GRID2: variants seen among roughly 807,000 people sequenced by gnomAD.
GRID2 encodes glutamate receptor ionotropic, delta-2.
A neutral mutation model predicts 114.8 loss-of-function variants in GRID2; 33 were observed. The observed-to-expected ratio is 0.29, with a 90% CI of 0.22 to 0.38. The LOEUF is 0.38. Ranked by LOEUF, GRID2 falls within the 10% of genes least tolerant of loss-of-function variation. The probability of loss-of-function intolerance (pLI) is 1.00; values close to 1 mark genes in which losing one functional copy is unlikely to be tolerated. For synonymous variants in GRID2, 505 were observed against 449.9 expected (o/e 1.12, Z -1.55); for missense variants, 1,184 against 1,257.7 (o/e 0.94, Z 0.89).
At chr4:92,446,939 A>C in intron 1 of GRID2, among the ~76,000 whole-genome samples, 1 of 152,204 alleles carries the variant, frequency 6.6e-6, no homozygotes, top group East Asian at 1.9e-4. Context: ...TGTCCAACAG[A>C]TCTGCTATAA....
At chr4:93,017,326 G>T (rs1035788063) in intron 2 of GRID2, among the ~76,000 whole-genome samples, 1 of 152,134 alleles carries the variant, frequency 6.6e-6, no homozygotes, top group Non-Finnish European at 1.5e-5. Context: ...TTTGTTGTAT[G>T]TAGTTGACAG....
chr4:93,249,044 T>A (rs6839389), intron 8 of GRID2, among the ~76,000 whole-genome samples: 108,340 of 152,028 alleles, frequency 0.71, 39,549 homozygotes, highest in African/African-American at 0.86. Flanking sequence ...GCTGGGATGC[T>A]TACTCTTTCC....
At chr4:92,968,993 G>A (rs1012887768) in intron 2 of GRID2, among the ~76,000 whole-genome samples, 2 of 151,686 alleles carry the variant, frequency 1.3e-5, no homozygotes, top group Admixed American at 1.3e-4. Flanking sequence ...AAATAAGGCT[G>A]TATTTGATAT....
chr4:92,823,167 G>GT (rs1741413389), intron 2 of GRID2: 1 of 152,162 alleles, frequency 6.6e-6, no homozygotes, highest in Admixed American at 6.6e-5. Flanking sequence ...TGGTTGAATT[G>GT]TTTGCCCTTT....
intron 2 of GRID2, among the ~76,000 whole-genome samples, chr4:92,640,312 A>G (rs1204101879): frequency 4.0e-5 from 6 of 151,814 alleles, no homozygotes; most frequent in Non-Finnish European, 8.8e-5. Context: ...GTTTTAAAGA[A>G]CCTTAGACAT....
intron 2 of GRID2, among the ~76,000 whole-genome samples, chr4:93,075,883 CT>C (rs10706922): frequency 2.7e-3 from 209 of 76,558 alleles, no homozygotes; most frequent in East Asian, 4.6e-3. Flanking sequence ...AGTTACCTCT[CT>C]TTTTTTTTTT....
intron 4 of GRID2, among the ~76,000 whole-genome samples, chr4:93,161,655 A>G (rs1160850375): frequency 3.3e-5 from 5 of 151,802 alleles, no homozygotes; most frequent in Admixed American, 6.6e-5. Flanking sequence ...TAAGATTTTC[A>G]GGGTAAAAAA....
chr4:92,667,838 T>A (rs578048249), intron 2 of GRID2, among the ~76,000 whole-genome samples: 1 of 151,872 alleles, frequency 6.6e-6, no homozygotes, highest in South Asian at 2.1e-4. Flanking sequence ...AATAAGTTGT[T>A]TGCGTTTCTA....
At chr4:93,047,198 A>G (rs1464336944) in intron 2 of GRID2, among the ~76,000 whole-genome samples, 2 of 152,114 alleles carry the variant, frequency 1.3e-5, no homozygotes, top group East Asian at 3.9e-4. Flanking sequence ...TGTGTGGGAA[A>G]CTGCCACATC....
At chr4:93,277,210 TTAAG>T (rs1396125098) in intron 8 of GRID2, among the ~76,000 whole-genome samples, 1 of 151,960 alleles carries the variant, frequency 6.6e-6, no homozygotes, top group South Asian at 2.1e-4. Flanking sequence ...AGAATTTTAA[TTAAG>T]TAAGTAATCT....
chr4:93,566,532 G>A (rs965717560), intron 13 of GRID2, among the ~76,000 whole-genome samples: 2 of 152,150 alleles, frequency 1.3e-5, no homozygotes, highest in African/African-American at 2.4e-5. Context: ...CACTTTGCAA[G>A]GCTGAGGCGG....
At chr4:92,887,130 A>C (rs761271410) in intron 2 of GRID2, among the ~76,000 whole-genome samples, 2 of 152,116 alleles carry the variant, frequency 1.3e-5, no homozygotes, top group Non-Finnish European at 2.9e-5. Flanking sequence ...TCATATTGTT[A>C]TCATTATTGC....
chr4:92,456,783 C>G (rs751818910), intron 1 of GRID2, among the ~76,000 whole-genome samples: 1 of 152,090 alleles, frequency 6.6e-6, no homozygotes, highest in Non-Finnish European at 1.5e-5. Flanking sequence ...CTCCTTACTT[C>G]TTCCTGGCAT....
At chr4:93,009,857 G>C (rs1023477086) in intron 2 of GRID2, among the ~76,000 whole-genome samples, 29 of 151,960 alleles carry the variant, frequency 1.9e-4, no homozygotes, top group African/African-American at 7.0e-4. Context: ...ATTCAAGGTG[G>C]TGCCCTGATT....
intron 2 of GRID2, among the ~76,000 whole-genome samples, chr4:92,923,432 CAATT>C (rs1169708043): frequency 2.6e-5 from 4 of 151,920 alleles, no homozygotes; most frequent in Non-Finnish European, 5.9e-5. Context: ...AGATGCAAAA[CAATT>C]AACATCAGAT....
At chr4:93,394,178 G>A (rs1765111797) in intron 8 of GRID2, among the ~76,000 whole-genome samples, 1 of 151,960 alleles carries the variant, frequency 6.6e-6, no homozygotes. Flanking sequence ...TTTAAATATG[G>A]CAAGAGGACC....
At chr4:93,216,281 T>G (rs1744202658) in intron 5 of GRID2, among the ~76,000 whole-genome samples, 1 of 152,074 alleles carries the variant, frequency 6.6e-6, no homozygotes, top group South Asian at 2.1e-4. Flanking sequence ...CATGTGTGTG[T>G]GTGTATGTGT....
chr4:92,425,052 T>C (rs2110330999), intron 1 of GRID2, among the ~76,000 whole-genome samples: 1 of 152,122 alleles, frequency 6.6e-6, no homozygotes, highest in East Asian at 1.9e-4. Context: ...TTCAGCAGAA[T>C]CTTTTAGGTT....
At chr4:92,670,668 T>G (rs1384882032) in intron 2 of GRID2, among the ~76,000 whole-genome samples, 1 of 152,130 alleles carries the variant, frequency 6.6e-6, no homozygotes, top group African/African-American at 2.4e-5. Context: ...ATTTAATATG[T>G]AACATATGTA....
Sources: gnomAD v4.1 joint callset for allele counts (sites outside exome capture counted in the v4.1 genomes callset) on GRCh38, gnomAD v4.1.1 for gene constraint, MANE v1.5 for transcripts, NCBI Gene and HGNC (gene_info 2026-07-23, HGNC 2026-07-21) for gene names.